The following SNF8 variants were observed in gnomAD, a reference collection of about 807,000 sequenced individuals.
SNF8 encodes SNF8 subunit of ESCRT-II.
Under a neutral mutation model 36.8 loss-of-function variants are expected in SNF8, and 19 were observed. The ratio of observed to expected loss-of-function variants is 0.52; its 90% CI spans 0.36 to 0.76. The LOEUF is 0.76. Among genes scored for constraint, SNF8 ranks in the 30% least tolerant of loss-of-function variants. The pLI, the probability that SNF8 is intolerant of heterozygous loss-of-function variation, is 0.00. For synonymous variants in SNF8, 127 were observed against 127.4 expected (o/e 1.00, Z 0.02); for missense variants, 268 against 322.9 (o/e 0.83, Z 1.30).
intron 2 of SNF8, among the ~76,000 whole-genome samples, chr17:48,942,364 C>T (rs1189210032): frequency 6.6e-6 from 1 of 151,504 alleles, no homozygotes; most frequent in Non-Finnish European, 1.5e-5. Flanking sequence ...GAAACCTCCA[C>T]ATATTTTAAT....
intron 3 of SNF8, among the ~76,000 whole-genome samples, chr17:48,938,428 G>A (rs1395161458): frequency 2.1e-5 from 3 of 144,652 alleles, no homozygotes; most frequent in Admixed American, 7.4e-5. Flanking sequence ...CCTGGGTGGC[G>A]AAGGTTGCAG....
intron 4 of SNF8, chr17:48,936,782 TGACTAGGGACTAGACCTTCCTG>T (rs1362768980): frequency 3.6e-6 from 2 of 562,546 alleles, no homozygotes; most frequent in Admixed American, 6.3e-5. Flanking sequence ...TTTTCTGTAC[TGACTAGGGACTAGACCTTCCTG>T]GCCAAAGATC....
Position 48,944,676 on chromosome 17 carries a change from C to G in SNF8, c.54+5G>C. 1 of 1,612,840 alleles carries G rather than the reference C, an allele frequency of 6.2e-7. No homozygotes were observed. Among genetic ancestry groups the G allele is most frequent in the Non-Finnish European group, 8.5e-7 (1 of 1,179,400 alleles). On this transcript the variant is annotated splice_donor_5th_base_variant and intron_variant, in intron 1 of 7. Coordinates refer to ENST00000502492, the MANE Select transcript of SNF8 (RefSeq NM_007241.4). ...AGGTTGTGGGTCGGCCTTCTTCCTG[C>G]TCACCTCTGCAAGTTTCTTCTTGGC... is the stretch of plus-strand genomic sequence containing the variant.
At chr17:48,938,770 G>T (rs890757333) in intron 3 of SNF8, among the ~76,000 whole-genome samples, 1 of 151,150 alleles carries the variant, frequency 6.6e-6, no homozygotes, top group Non-Finnish European at 1.5e-5. Flanking sequence ...CTACTCAGGA[G>T]GCTGAGGCAG....
At position 48,933,308 on chromosome 17, in the gene SNF8, A is replaced by G; in HGVS notation, c.461T>C (p.Leu154Pro). ...AGGGATGATGCCGAAGCCAGTGCCA[A>G]GTGCCTTTAGTTTCTTGATGGCTCT... The part of the protein sequence containing the change: ...LIRAIKKLKA[L>P]GTGFGIIPVG... Residue 154 changes from leucine to proline, a missense_variant, in exon 6 of 8, where the codon CTT becomes CCT. Physicochemically the swap from Leu to Pro is moderately conservative, Grantham distance 98. Transcript: ENST00000502492. The G allele has an allele frequency of 6.2e-7, 1 of 1,614,222 alleles. No individual in the cohort carries two copies. The highest frequency in any genetic ancestry group is 1.3e-5 in the African/African-American group (1 of 75,056).
intron 5 of SNF8, 111 bp from the exon 6 acceptor site, chr17:48,933,457 C>T: frequency 1.6e-6 from 2 of 1,252,462 alleles, no homozygotes; most frequent in Admixed American, 1.9e-5. Context: ...GACTGCACAA[C>T]TGCCAGGCGC....
intron 3 of SNF8, among the ~76,000 whole-genome samples, chr17:48,938,512 AAG>A (rs2040971237): frequency 2.6e-5 from 4 of 151,090 alleles, no homozygotes; most frequent in African/African-American, 7.3e-5. Context: ...AAAAAAAAAA[AAG>A]AAAACAAAAA....
intron 6 of SNF8, chr17:48,932,073 A>G: frequency 6.3e-6 from 1 of 159,476 alleles, no homozygotes; most frequent in Non-Finnish European, 1.4e-5. Context: ...TACAAAAATT[A>G]GCCAGGCATG....
chr17:48,930,315 TA>T lies in SNF8; in HGVS notation c.*159del. 2 of 752,046 alleles carry T rather than the reference TA, an allele frequency of 2.7e-6. No individual in the cohort carries two copies. Among genetic ancestry groups the T allele is most frequent in the Non-Finnish European group, 4.0e-6 (2 of 499,836 alleles). 46.6% of individuals were successfully genotyped at this position (752,046 alleles called of 1,614,324 possible). On this transcript the variant is annotated 3_prime_UTR_variant, in exon 8 of 8. Coordinates refer to ENST00000502492, the MANE Select transcript of SNF8 (RefSeq NM_007241.4). The stretch of plus-strand genomic sequence containing the variant: ...CTGAACGAGCGAGGTTTTCCTCCAA[TA>T]AAAATGCAACGTGAAGGCACTTTTC...
chr17:48,940,575 G>A (rs1334992495), intron 3 of SNF8, among the ~76,000 whole-genome samples: 1 of 151,918 alleles, frequency 6.6e-6, no homozygotes, highest in African/African-American at 2.4e-5. Flanking sequence ...CGGATCACGA[G>A]GTCAGGATAT....
intron 5 of SNF8, among the ~76,000 whole-genome samples, chr17:48,934,959 C>T (rs1466623787): frequency 6.6e-6 from 1 of 152,140 alleles, no homozygotes; most frequent in African/African-American, 2.4e-5. Context: ...AAACTGGACT[C>T]GCACATAGAG....
chr17:48,943,540 G>C (rs1187997466), intron 2 of SNF8, among the ~76,000 whole-genome samples: 1 of 152,062 alleles, frequency 6.6e-6, no homozygotes, highest in Non-Finnish European at 1.5e-5. Flanking sequence ...CCCAGGAAAC[G>C]GAGGCTGCAG....
At chr17:48,936,269 A>T (rs2040933026) in intron 4 of SNF8, 27 bp from the exon 5 acceptor site, 2 of 1,562,088 alleles carry the variant, frequency 1.3e-6, no homozygotes, top group African/African-American at 2.7e-5. Flanking sequence ...AACAGAAATC[A>T]GAAAAAGAGA....
Position 48,933,340 on chromosome 17 carries a change from G to A in SNF8, c.429C>T (p.Asp143=). The part of the protein sequence containing the change: ...GKFAQDVSQD[D]LIRAIKKLKA... ...TTAGTTTCTTGATGGCTCTGATCAGGTCATCTCTGAGGTAAGGAAGAGTTG... is the reference window on the plus strand; with the variant it reads ...TTAGTTTCTTGATGGCTCTGATCAGATCATCTCTGAGGTAAGGAAGAGTTG... Residue 143 remains aspartate (D), a synonymous_variant, in exon 6 of 8, where the codon GAC becomes GAT. Transcript: ENST00000502492. 1 of 1,614,162 alleles carries A rather than the reference G, an allele frequency of 6.2e-7. No individual in the cohort carries two copies. The highest frequency in any genetic ancestry group is 8.5e-7 in the Non-Finnish European group (1 of 1,180,034).
chr17:48,942,489 G>A (rs1451899562), intron 2 of SNF8, among the ~76,000 whole-genome samples: 1 of 151,902 alleles, frequency 6.6e-6, no homozygotes, highest in Non-Finnish European at 1.5e-5. Flanking sequence ...CCTGCTTAAC[G>A]GCTTCCTCCA....
At chr17:48,941,604 C>T (rs1446989666) in intron 2 of SNF8, among the ~76,000 whole-genome samples, 1 of 152,124 alleles carries the variant, frequency 6.6e-6, no homozygotes, top group Non-Finnish European at 1.5e-5. Context: ...TGGCTCACAC[C>T]TGTAATCCCA....
intron 5 of SNF8, among the ~76,000 whole-genome samples, chr17:48,934,089 C>G (rs999183324): frequency 2.0e-5 from 3 of 152,172 alleles, no homozygotes; most frequent in African/African-American, 7.2e-5. Flanking sequence ...AGAAAACCTA[C>G]AAAACAGTGT....
rs776533474 is a variant in SNF8, at chr17:48,933,334, G to C, written c.435C>G (p.Ile145Met). The C allele has an allele frequency of 6.2e-7, 1 of 1,614,082 alleles. No homozygotes were observed. Among genetic ancestry groups the C allele is most frequent in the Non-Finnish European group, 8.5e-7 (1 of 1,180,056 alleles). ...GTGCCTTTAGTTTCTTGATGGCTCTGATCAGGTCATCTCTGAGGTAAGGAA... is the reference window on the plus strand; with the variant it reads ...GTGCCTTTAGTTTCTTGATGGCTCTCATCAGGTCATCTCTGAGGTAAGGAA... Reference protein sequence around the residue: ...FAQDVSQDDLIRAIKKLKALG... With the variant: ...FAQDVSQDDLMRAIKKLKALG... Residue 145 changes from isoleucine to methionine, a missense_variant, in exon 6 of 8, where the codon ATC (isoleucine) becomes ATG (methionine). Ile to Met is a conservative substitution (Grantham distance 10). Transcript: ENST00000502492.
intron 1 of SNF8, 109 bp downstream of exon 1, chr17:48,944,572 C>T (rs1217535995): frequency 1.6e-6 from 2 of 1,236,252 alleles, no homozygotes; most frequent in Non-Finnish European, 2.4e-6. Flanking sequence ...GCCGAGAAGC[C>T]AGTCTCAGAT....
Sources: gnomAD v4.1 joint callset for allele counts (sites outside exome capture counted in the v4.1 genomes callset) on GRCh38, gnomAD v4.1.1 for gene constraint, MANE v1.5 for transcripts, NCBI Gene and HGNC (gene_info 2026-07-23, HGNC 2026-07-21) for gene names.